CALB1: variants seen among roughly 807,000 people sequenced by gnomAD.
CALB1 encodes calbindin.
CALB1 carries 16 observed loss-of-function variants against 46.7 expected under a neutral mutation model. That is an observed-to-expected ratio of 0.34 (90% CI 0.23 to 0.52). The LOEUF is 0.52. CALB1 is among the 20% of genes least tolerant of loss of function. The pLI, the probability that CALB1 is intolerant of heterozygous loss-of-function variation, is 0.95. For missense variants in CALB1, 224 were observed against 300.3 expected, an observed-to-expected ratio of 0.75 and a Z score of 1.88; for synonymous variants, 90 against 112.8, an observed-to-expected ratio of 0.80 and a Z score of 1.28.
chr8:90,066,183 G>A (rs1814393195), intron 5 of CALB1, among the ~76,000 whole-genome samples: 1 of 151,950 alleles, frequency 6.6e-6, no homozygotes, highest in African/African-American at 2.4e-5. Flanking sequence ...ACCTTTGACA[G>A]GAATAATACC....
chr8:90,068,617 C>G (rs56048052), intron 5 of CALB1, among the ~76,000 whole-genome samples: 70 of 152,292 alleles, frequency 4.6e-4, no homozygotes, highest in Middle Eastern at 6.8e-3. Context: ...AGTTGGCATA[C>G]AGTAGCTATT....
At position 90,069,202 on chromosome 8, in the gene CALB1, C is replaced by T. The variant is rs1293393911; in HGVS notation, c.267G>A (p.Leu89=). The stretch of plus-strand genomic sequence containing the variant: ...TCAGCTGCTGGCATCGGAAGAGCAG[C>T]AGGAAATTCTCTTCTGTGGGTAATA... ...AHVLPTEENF[L]LLFRCQQLKS... Residue 89 remains leucine, a synonymous_variant, in exon 4 of 11, where the codon CTG becomes CTA. Transcript: ENST00000265431. The T allele has an allele frequency of 1.2e-6, 2 of 1,613,990 alleles. No individual in the cohort carries two copies. Among genetic ancestry groups the T allele is most frequent in the East Asian group, 2.2e-5 (1 of 44,890 alleles).
chr8:90,082,573 G>A, intron 1 of CALB1, 46 bp downstream of exon 1: 1 of 1,454,466 alleles, frequency 6.9e-7, no homozygotes, highest in Non-Finnish European at 9.7e-7. Context: ...AATGGGAAGG[G>A]GCATGGAAAC....
chr8:90,078,467 G>C lies in CALB1; in HGVS notation c.157-20C>G, dbSNP rs1814659492. On this transcript the variant is annotated intron_variant, in intron 2 of 10. Transcript: ENST00000265431. The stretch of plus-strand genomic sequence containing the variant: ...TAACTCCTAAAATTATATAAAAGCA[G>C]GTAGGAGGTTTGTTAAAAAAATACC... 1 of 1,409,534 alleles carries C rather than the reference G, an allele frequency of 7.1e-7. No individual in the cohort carries two copies. Among genetic ancestry groups the C allele is most frequent in the African/African-American group, 1.5e-5 (1 of 68,960 alleles). 87.3% of individuals were successfully genotyped at this position (1,409,534 alleles called of 1,614,324 possible).
chr8:90,065,802 GTTTA>G (rs1814385001), intron 6 of CALB1, 92 bp downstream of exon 6: 1 of 773,404 alleles, frequency 1.3e-6, no homozygotes. Flanking sequence ...CCACACCACC[GTTTA>G]TTTATTTCAT....
At chr8:90,076,504 A>G (rs1346725486) in intron 3 of CALB1, among the ~76,000 whole-genome samples, 1 of 152,062 alleles carries the variant, frequency 6.6e-6, no homozygotes, top group Non-Finnish European at 1.5e-5. Context: ...ATGAGATAAC[A>G]TATTTGAAAA....
At chr8:90,070,837 AGTGT>A (rs35368479) in intron 3 of CALB1, among the ~76,000 whole-genome samples, 5,966 of 121,520 alleles carry the variant, frequency 0.049, 143 homozygotes, top group South Asian at 0.087. Context: ...GCATCATTGC[AGTGT>A]GTGTGTGTGT....
intron 2 of CALB1, among the ~76,000 whole-genome samples, chr8:90,080,412 C>T (rs1814708067): frequency 6.6e-6 from 1 of 151,748 alleles, no homozygotes; most frequent in Non-Finnish European, 1.5e-5. Flanking sequence ...ATAATCATTA[C>T]CTGCTGGAAG....
At chr8:90,076,492 A>G (rs1054820486) in intron 3 of CALB1, among the ~76,000 whole-genome samples, 1 of 152,100 alleles carries the variant, frequency 6.6e-6, no homozygotes, top group African/African-American at 2.4e-5. Flanking sequence ...TATGATGATC[A>G]AATGAGATAA....
chr8:90,081,048 A>G (rs988918794), intron 2 of CALB1, among the ~76,000 whole-genome samples: 7 of 152,232 alleles, frequency 4.6e-5, no homozygotes, highest in African/African-American at 1.7e-4. Context: ...GAGTAGTACA[A>G]TTTTTAACCC....
chr8:90,068,073 G>C (rs1030359455), intron 5 of CALB1, among the ~76,000 whole-genome samples: 2 of 152,242 alleles, frequency 1.3e-5, no homozygotes, highest in Admixed American at 1.3e-4. Context: ...TTTGGGGTCG[G>C]CTTGAGGAAA....
At position 90,082,755 on chromosome 8, in the gene CALB1, G is replaced by A. The variant is rs3087750; in HGVS notation, c.-58C>T. Reference sequence around the variant, plus strand: ...TATGCGTGTGTCTGTGTCCGCGCGAGGGGGAGTGAGCAAAAGCTCAGCGTG... The same window carrying A: ...TATGCGTGTGTCTGTGTCCGCGCGAAGGGGAGTGAGCAAAAGCTCAGCGTG... On this transcript the variant is annotated 5_prime_UTR_variant, in exon 1 of 11. Transcript: ENST00000265431. The A allele has an allele frequency of 0.62, 933,911 of 1,516,760 alleles. 299,767 individuals carry two copies. Among genetic ancestry groups the A allele is most frequent in the Non-Finnish European group, 0.67 (735,532 of 1,092,514 alleles). 94.0% of individuals were successfully genotyped at this position (1,516,760 alleles called of 1,614,324 possible). A position where few individuals can be genotyped will look rare whatever the true frequency, so the allele number is the denominator to read the frequency against.
chr8:90,069,742 T>A (rs745670789), intron 3 of CALB1, among the ~76,000 whole-genome samples: 7 of 152,036 alleles, frequency 4.6e-5, no homozygotes, highest in Non-Finnish European at 1.0e-4. Context: ...AAGCCTACCA[T>A]GAGATACAAG....
chr8:90,082,733 G>A lies in CALB1; in HGVS notation c.-36C>T, dbSNP rs754454724. The stretch of plus-strand genomic sequence containing the variant: ...GGTGTGTGTCTGGGTGTGTGAATAT[G>A]CGTGTGTCTGTGTCCGCGCGAGGGG... On this transcript the variant is annotated 5_prime_UTR_variant, in exon 1 of 11. Coordinates refer to ENST00000265431, the MANE Select transcript of CALB1 (RefSeq NM_004929.4). 9.5e-6 allele frequency: 15 copies of A among 1,577,618 alleles called. No individual in the cohort carries two copies. In the South Asian group the frequency reaches 1.3e-4, roughly 14 times the overall value.
intron 3 of CALB1, among the ~76,000 whole-genome samples, chr8:90,071,394 C>T (rs1011032530): frequency 6.6e-6 from 1 of 151,864 alleles, no homozygotes. Context: ...TGTAGGTCTC[C>T]CCCCAGAGCT....
intron 5 of CALB1, 151 bp downstream of exon 5, chr8:90,068,847 G>T: frequency 1.8e-6 from 1 of 560,214 alleles, no homozygotes; most frequent in Non-Finnish European, 3.1e-6. Context: ...TTTTGATCTG[G>T]TACTTCATTA....
At chr8:90,062,004 C>T (rs377749209) in intron 9 of CALB1, 17 of 151,826 alleles carry the variant, frequency 1.1e-4, no homozygotes, top group Non-Finnish European at 1.8e-4. Flanking sequence ...AAACAAAAAT[C>T]GAAACATAGA....
At chr8:90,069,972 CTCTT>C (rs1296740555) in intron 3 of CALB1, among the ~76,000 whole-genome samples, 4 of 150,168 alleles carry the variant, frequency 2.7e-5, no homozygotes, top group African/African-American at 9.9e-5. Context: ...CAATCCTCCT[CTCTT>C]TTTTTTTTTT....
intron 3 of CALB1, among the ~76,000 whole-genome samples, chr8:90,070,622 CAT>C (rs530163259): frequency 1.2e-3 from 188 of 152,206 alleles, no homozygotes; most frequent in African/African-American, 4.2e-3. Context: ...ACGCACCACA[CAT>C]GTGGGTGAGA....
Sources: allele counts gnomAD v4.1 joint callset (sites outside exome capture counted in the v4.1 genomes callset), GRCh38; gene constraint gnomAD v4.1.1; transcripts MANE v1.5; gene names NCBI Gene and HGNC (gene_info 2026-07-23, HGNC 2026-07-21).